The following MAML2 variants were observed in gnomAD, a reference collection of about 807,000 sequenced individuals.
The protein encoded by MAML2 is mastermind-like protein 2.
MAML2 carries 22 observed loss-of-function variants against 96.1 expected under a neutral mutation model. The ratio of observed to expected loss-of-function variants is 0.23; its 90% confidence interval spans 0.16 to 0.33. MAML2 has a LOEUF of 0.33. MAML2 is among the 10% of genes least tolerant of loss of function. The probability of loss-of-function intolerance (pLI) is 1.00; values close to 1 mark genes in which losing one functional copy is unlikely to be tolerated. For missense variants in MAML2, 1,367 were observed against 1,392.4 expected (o/e 0.98, Z 0.29); for synonymous variants, 561 against 521.3 (o/e 1.08, Z -1.04).
chr11:96,221,430 G>C (rs1862135167), intron 1 of MAML2, among the ~76,000 whole-genome samples: 1 of 152,144 alleles, frequency 6.6e-6, no homozygotes, highest in Admixed American at 6.6e-5. Flanking sequence ...TGACCCATCT[G>C]TTTTGTATCC....
chr11:96,025,354 C>T (rs1319700232), intron 2 of MAML2, among the ~76,000 whole-genome samples: 1 of 152,064 alleles, frequency 6.6e-6, no homozygotes, highest in Non-Finnish European at 1.5e-5. Flanking sequence ...GCATTGGGTA[C>T]ACATGGACAT....
chr11:96,079,876 G>A (rs372798976), intron 2 of MAML2, among the ~76,000 whole-genome samples: 2 of 152,334 alleles, frequency 1.3e-5, no homozygotes, highest in East Asian at 3.9e-4. Context: ...GTATCAGCAG[G>A]CCTAGGGAAC....
At position 96,231,972 on chromosome 11, in the gene MAML2, C is replaced by T. The variant is rs577461856; in HGVS notation, c.513+109411G>A. On this transcript the variant is annotated intron_variant, in intron 1 of 4. Transcript: ENST00000524717. ...GAGCTCACCTGAAGGTACCTGAGGA[C>T]GTAGGTGTCTAGTTATGCTAGATAG... Among the ~76,000 whole-genome samples the T allele has an allele frequency of 5.2e-4, 79 of 152,244 alleles. 2 individuals carry two copies. The South Asian group carries it at 0.016, about 30-fold the overall frequency.
intron 2 of MAML2, among the ~76,000 whole-genome samples, chr11:96,033,877 C>T (rs538595014): frequency 6.6e-6 from 1 of 152,164 alleles, no homozygotes; most frequent in Admixed American, 6.5e-5. Flanking sequence ...TGCAACACGG[C>T]AGGTTTCCAA....
At chr11:96,259,755 C>A (rs1470157282) in intron 1 of MAML2, among the ~76,000 whole-genome samples, 1 of 152,180 alleles carries the variant, frequency 6.6e-6, no homozygotes, top group Non-Finnish European at 1.5e-5. Context: ...TGTCATAAAA[C>A]CAGTTTCCTG....
intron 1 of MAML2, among the ~76,000 whole-genome samples, chr11:96,166,177 T>TCTCA (rs530578845): frequency 0.012 from 1,295 of 110,344 alleles, 12 homozygotes; most frequent in African/African-American, 0.028. Flanking sequence ...TCTCTCTCTC[T>TCTCA]CACACACACA....
intron 1 of MAML2, among the ~76,000 whole-genome samples, chr11:96,321,666 T>C (rs961454705): frequency 1.3e-5 from 2 of 152,202 alleles, no homozygotes; most frequent in African/African-American, 2.4e-5. Flanking sequence ...TTGTTCTAAA[T>C]ATAGGAGATT....
At chr11:96,235,769 T>G (rs1393449771) in intron 1 of MAML2, among the ~76,000 whole-genome samples, 1 of 152,240 alleles carries the variant, frequency 6.6e-6, no homozygotes, top group Non-Finnish European at 1.5e-5. Context: ...TTTTTCAATG[T>G]AAACCAGGGT....
intron 1 of MAML2, among the ~76,000 whole-genome samples, chr11:96,178,060 G>C (rs1185558981): frequency 6.7e-6 from 1 of 148,230 alleles, no homozygotes; most frequent in Non-Finnish European, 1.5e-5. Flanking sequence ...ATTCATATAA[G>C]CGTTTCTTTC....
chr11:95,977,574 A>G lies in MAML2; in HGVS notation c.*1374T>C, dbSNP rs532761869. 9.6e-6 allele frequency: 2 copies of G among 209,264 alleles called. No homozygotes were observed. The highest frequency in any genetic ancestry group is 3.8e-4 in the South Asian group (2 of 5,314). The allele number at this position is 209,264 out of a possible 1,614,324, so 13.0% of individuals were successfully genotyped here. ...TTGCTCCTCTGTAATTAGGAAAATG[A>G]TAGTGATATTTTGCATTCATTCCAA... On this transcript the variant is annotated 3_prime_UTR_variant, in exon 5 of 5. Coordinates refer to ENST00000524717, the MANE Select transcript of MAML2 (RefSeq NM_032427.4).
intron 2 of MAML2, among the ~76,000 whole-genome samples, chr11:96,002,837 G>C (rs1858109021): frequency 6.9e-6 from 1 of 144,218 alleles, no homozygotes. Context: ...GGATGATGGG[G>C]ATGATGAGGA....
rs7108995 is a variant in MAML2, at chr11:96,324,887, C to T, written c.513+16496G>A. Among the ~76,000 whole-genome samples the T allele has an allele frequency of 3.0e-3, 453 of 152,132 alleles. 1 individual carries two copies. Among genetic ancestry groups the T allele is most frequent in the Non-Finnish European group, 4.1e-3 (277 of 67,982 alleles). Reference sequence around the variant, plus strand: ...TTTCTCTTCATAATGACCTTGTAGCCCTCGCTCCTCAGACTTGCTGGCTGA... The same window carrying T: ...TTTCTCTTCATAATGACCTTGTAGCTCTCGCTCCTCAGACTTGCTGGCTGA... On this transcript the variant is annotated intron_variant, in intron 1 of 4. Coordinates refer to ENST00000524717, the MANE Select transcript of MAML2 (RefSeq NM_032427.4).
chr11:96,306,723 A>T (rs1863468681), intron 1 of MAML2, among the ~76,000 whole-genome samples: 1 of 152,010 alleles, frequency 6.6e-6, no homozygotes, highest in Non-Finnish European at 1.5e-5. Context: ...TGGCCTGTGA[A>T]TTTTTTCTTT....
chr11:96,159,621 T>TA (rs1418410675), intron 1 of MAML2, among the ~76,000 whole-genome samples: 3 of 152,006 alleles, frequency 2.0e-5, no homozygotes, highest in African/African-American at 7.3e-5. Context: ...AGACGGCGTT[T>TA]CACCGTGTTA....
chr11:96,063,745 T>C (rs927764322), intron 2 of MAML2, among the ~76,000 whole-genome samples: 2 of 152,170 alleles, frequency 1.3e-5, no homozygotes, highest in African/African-American at 4.8e-5. Flanking sequence ...AACTACCCAA[T>C]AAATGCTCAT....
chr11:96,165,955 G>T (rs1169459837), intron 1 of MAML2, among the ~76,000 whole-genome samples: 1 of 152,116 alleles, frequency 6.6e-6, no homozygotes. Context: ...ATTTGTGCAG[G>T]TATCATGCAC....
intron 1 of MAML2, among the ~76,000 whole-genome samples, chr11:96,313,801 A>T (rs1863586886): frequency 1.3e-5 from 2 of 152,292 alleles, no homozygotes; most frequent in South Asian, 4.1e-4. Context: ...ACCCATCCTC[A>T]TGAAGGTCCT....
At chr11:96,047,667 T>C (rs1858923350) in intron 2 of MAML2, among the ~76,000 whole-genome samples, 1 of 151,550 alleles carries the variant, frequency 6.6e-6, no homozygotes, top group African/African-American at 2.4e-5. Flanking sequence ...TCCCAGCACG[T>C]TGAAAGGCCG....
chr11:96,069,001 G>A (rs1859295093), intron 2 of MAML2, among the ~76,000 whole-genome samples: 1 of 147,632 alleles, frequency 6.8e-6, no homozygotes, highest in Non-Finnish European at 1.5e-5. Flanking sequence ...AGCTCACTGC[G>A]GTCTCAAACT....
Sources: allele counts gnomAD v4.1 joint callset (sites outside exome capture counted in the v4.1 genomes callset), GRCh38; gene constraint gnomAD v4.1.1; transcripts MANE v1.5; gene names NCBI Gene and HGNC (gene_info 2026-07-23, HGNC 2026-07-21).